The following FBXL18 variants were observed in gnomAD, a reference collection of about 807,000 sequenced individuals.
FBXL18 encodes F-box and leucine rich repeat protein 18.
A neutral mutation model predicts 46.0 loss-of-function variants in FBXL18; 36 were observed. The ratio of observed to expected loss-of-function variants is 0.78; its 90% confidence interval spans 0.60 to 1.03. The LOEUF is 1.03. FBXL18 is among the 50% of genes least tolerant of loss of function. The pLI is 0.00. For synonymous variants in FBXL18, 557 were observed against 465.3 expected, an observed-to-expected ratio of 1.20 and a Z score of -2.54; for missense variants, 977 against 1,004.1, an observed-to-expected ratio of 0.97 and a Z score of 0.36.
At chr7:5,489,844 T>G in intron 4 of FBXL18, 1 of 414,048 alleles carries the variant, frequency 2.4e-6, no homozygotes, top group Non-Finnish European at 4.5e-6. Flanking sequence ...TAATCCCAGC[T>G]GCTCAGGAGG....
intron 4 of FBXL18, among the ~76,000 whole-genome samples, chr7:5,490,931 C>G (rs1783905273): frequency 6.6e-6 from 1 of 152,218 alleles, no homozygotes; most frequent in Non-Finnish European, 1.5e-5. Flanking sequence ...TACACTCCAG[C>G]CTGGGCAACA....
intron 1 of FBXL18, among the ~76,000 whole-genome samples, chr7:5,510,302 CAAAAAAAAAA>C (rs757878539): frequency 1.3e-5 from 1 of 77,606 alleles, no homozygotes; most frequent in Non-Finnish European, 2.4e-5. Context: ...GACTCTGTCT[CAAAAAAAAAA>C]AAAAAAAAAG....
At chr7:5,470,698 CCGGGGGGGAGA>C (rs1783413660) in intron 4 of FBXL18, among the ~76,000 whole-genome samples, 14 of 13,742 alleles carry the variant, frequency 1.0e-3, no homozygotes, top group African/African-American at 0.01. Flanking sequence ...CCTCCCCTTC[CCGGGGGGGAGA>C]TGTCCCCTTC....
chr7:5,513,545 G>C, intron 1 of FBXL18, 112 bp downstream of exon 1: 1 of 1,214,930 alleles, frequency 8.2e-7, no homozygotes, highest in South Asian at 1.3e-5. Context: ...GGACGGGGCG[G>C]GGTAGGGGTC....
At chr7:5,457,382 TAG>T (rs1210452733) in intron 4 of FBXL18, among the ~76,000 whole-genome samples, 1 of 152,160 alleles carries the variant, frequency 6.6e-6, no homozygotes, top group Admixed American at 6.5e-5. Flanking sequence ...ACTGAGTCCT[TAG>T]AGATGTAAGC....
chr7:5,474,814 T>C (rs1380684811), downstream of FBXL18, among the ~76,000 whole-genome samples: 10 of 150,086 alleles, frequency 6.7e-5, no homozygotes, highest in Admixed American at 3.3e-4. Flanking sequence ...TTCAGGCCAT[T>C]CTCCTGCCTC....
intron 3 of FBXL18, 21 bp downstream of exon 3, chr7:5,500,467 A>C: frequency 6.4e-7 from 1 of 1,564,606 alleles, no homozygotes; most frequent in Non-Finnish European, 8.7e-7. Flanking sequence ...GAGGCCCGAG[A>C]GGTCCCCGCG....
intron 2 of FBXL18, among the ~76,000 whole-genome samples, chr7:5,503,619 C>A (rs545877128): frequency 1.3e-3 from 194 of 151,932 alleles, no homozygotes; most frequent in African/African-American, 4.4e-3. Context: ...CTCAGCCTCC[C>A]AAAATGCTGG....
intron 4 of FBXL18, among the ~76,000 whole-genome samples, chr7:5,460,834 C>A (rs1783233992): frequency 6.6e-6 from 1 of 152,192 alleles, no homozygotes; most frequent in Non-Finnish European, 1.5e-5. Context: ...TGCACATTGC[C>A]GCCCCTCTGC....
At position 5,455,028 on chromosome 7, in the gene FBXL18, T is replaced by G. The variant is rs539747736; in HGVS notation, c.2001-7185A>C. Among the ~76,000 whole-genome samples the G allele has an allele frequency of 6.6e-6, 1 of 152,254 alleles. No homozygotes were observed. The highest frequency in any genetic ancestry group is 1.9e-4 in the East Asian group (1 of 5,180). ...GGTGGTGCTCTAAGAGTGATCCCAG[T>G]CACACTGGCACTCCGAGTGCCACCT... On this transcript the variant is annotated intron_variant and NMD_transcript_variant, in intron 4 of 6. Transcript: ENST00000415009. This position sits in a 1 kb window ranked among gnomAD's most constrained non-coding sequence, Gnocchi z 4.6.
Position 5,489,886 on chromosome 7 carries a change from A to G in FBXL18, c.2000+1345T>C, listed in dbSNP as rs1474536923. On this transcript the variant is annotated intron_variant, in intron 4 of 4. Transcript: ENST00000382368. ...TTGCAACCCAGAAAGCAGAGGTTGC[A>G]GTGAGCTGAGATCCCGCCACTGCAC... 4 of 795,038 alleles carry G rather than the reference A, an allele frequency of 5.0e-6. No homozygotes were observed. In the South Asian group the frequency reaches 5.0e-5, roughly 10 times the overall value. 49.2% of individuals were successfully genotyped at this position (795,038 alleles called of 1,614,324 possible).
intron 4 of FBXL18, among the ~76,000 whole-genome samples, chr7:5,486,883 C>T (rs1192946548): frequency 6.6e-6 from 1 of 152,214 alleles, no homozygotes; most frequent in African/African-American, 2.4e-5. Flanking sequence ...GGGTGAGCCG[C>T]ACAACAGCCC....
intron 3 of FBXL18, 22 bp downstream of exon 3, chr7:5,500,466 G>A (rs569218331): frequency 6.4e-7 from 1 of 1,567,464 alleles, no homozygotes; most frequent in South Asian, 1.2e-5. Flanking sequence ...AGAGGCCCGA[G>A]AGGTCCCCGC....
intron 2 of FBXL18, among the ~76,000 whole-genome samples, chr7:5,504,196 G>A (rs1456018204): frequency 2.6e-5 from 4 of 151,788 alleles, no homozygotes; most frequent in African/African-American, 9.7e-5. Context: ...TTGTGAGGCC[G>A]AGTTGGGTGG....
At position 5,491,235 on chromosome 7, in the gene FBXL18, G is replaced by A. The variant is rs201411615; in HGVS notation, c.1996C>T (p.Arg666Cys). ...TACGCAACCCACATCACTCACCTGC[G>A]GAGAAGCGACTGCTGCAGGCTCTTG... Reference protein sequence around the residue: ...TCKSLQQSLLRSFQAERPALN... With the variant: ...TCKSLQQSLLCSFQAERPALN... Residue 666 changes from arginine (R) to cysteine (C), a missense_variant, in exon 4 of 5, where the codon CGC (arginine) becomes TGC (cysteine). Arg to Cys is a radical substitution (Grantham distance 180). Coordinates refer to ENST00000382368, the MANE Select transcript of FBXL18 (RefSeq NM_024963.6). The A allele has an allele frequency of 4.9e-5, 79 of 1,610,522 alleles. 1 individual carries two copies. In the African/African-American group the frequency reaches 6.7e-4, roughly 14 times the overall value.
chr7:5,472,798 C>G (rs1300122147), downstream of FBXL18, among the ~76,000 whole-genome samples: 2 of 152,170 alleles, frequency 1.3e-5, no homozygotes, highest in African/African-American at 4.8e-5. Context: ...TGTGCAAATA[C>G]CTGCCCTGGA....
downstream of FBXL18, among the ~76,000 whole-genome samples, chr7:5,471,824 G>A (rs1783432420): frequency 6.6e-6 from 1 of 152,182 alleles, no homozygotes; most frequent in Non-Finnish European, 1.5e-5. Flanking sequence ...CAAAACAGGG[G>A]CATCATGGCC....
Position 5,501,398 on chromosome 7 carries a change from C to A in FBXL18, c.871G>T (p.Val291Leu). ...TTGGGCAGCTGCAGGGCATCCAGCACGACATTGCGCGCCATGGAGTCCAGG... is the reference window on the plus strand; with the variant it reads ...TTGGGCAGCTGCAGGGCATCCAGCAAGACATTGCGCGCCATGGAGTCCAGG... ...NLLDSMARNVVLDALQLPKSW... is the reference protein window; with the variant it reads ...NLLDSMARNVLLDALQLPKSW... Residue 291 changes from valine (V) to leucine (L), a missense_variant, in exon 3 of 5, where the codon GTG (valine) becomes TTG (leucine). Val to Leu is a conservative substitution (Grantham distance 32, BLOSUM62 1). Transcript: ENST00000382368. The A allele has an allele frequency of 1.9e-6, 3 of 1,613,678 alleles. No individual in the cohort carries two copies. Among genetic ancestry groups the A allele is most frequent in the Non-Finnish European group, 8.5e-7 (1 of 1,179,976 alleles).
downstream of FBXL18, among the ~76,000 whole-genome samples, chr7:5,474,401 C>T (rs911857976): frequency 1.8e-4 from 27 of 151,164 alleles, no homozygotes; most frequent in African/African-American, 6.3e-4. Context: ...AGTGACCTCC[C>T]AGGCTCAAGC....
Sources: allele counts gnomAD v4.1 joint callset (sites outside exome capture counted in the v4.1 genomes callset), GRCh38; gene constraint gnomAD v4.1.1; non-coding constraint Gnocchi (gnomAD v3.1); transcripts MANE v1.5; gene names NCBI Gene and HGNC (gene_info 2026-07-23, HGNC 2026-07-21).